Variants in DCX observed in about 807,000 individuals in gnomAD.
The protein encoded by DCX is neuronal migration protein doublecortin.
In DCX, 4 loss-of-function variants were observed where a neutral mutation model predicts 20.9. The observed-to-expected ratio is 0.19, with a 90% CI of 0.09 to 0.44. DCX has a LOEUF of 0.44. Ranked by LOEUF, DCX falls within the 20% of genes least tolerant of loss-of-function variation. The pLI, the probability that DCX is intolerant of heterozygous loss-of-function variation, is 0.99. For synonymous variants in DCX, 103 were observed against 111.4 expected, an observed-to-expected ratio of 0.92 and a Z score of 0.47; for missense variants, 133 against 296.9, an observed-to-expected ratio of 0.45 and a Z score of 4.06.
At chrX:111,342,978 T>C (rs981963844) in intron 3 of DCX, among the ~76,000 whole-genome samples, 5 of 110,469 alleles carry the variant, frequency 4.5e-5, no homozygotes, top group Admixed American at 1.9e-4. Flanking sequence ...AGATATCAAA[T>C]TGACAACCTA....
intron 6 of DCX, 43 bp downstream of exon 6, chrX:111,312,596 G>C: frequency 4.3e-6 from 5 of 1,168,711 alleles, no homozygotes; most frequent in Non-Finnish European, 5.8e-6. Context: ...AGCCATTCAG[G>C]AAACTGAGTG....
rs2095027980 is a variant in DCX, at chrX:111,299,084, G to A, written c.*2603C>T. 1 of 110,472 alleles carries A rather than the reference G, an allele frequency of 9.1e-6. No individual in the cohort carries two copies. Among genetic ancestry groups the A allele is most frequent in the African/African-American group, 3.3e-5 (1 of 30,236 alleles). The allele number at this position is 110,472 out of a possible 1,213,427, so 9.1% of individuals were successfully genotyped here. A position where few individuals can be genotyped will look rare whatever the true frequency, so the allele number is the denominator to read the frequency against. On this transcript the variant is annotated 3_prime_UTR_variant, in exon 7 of 7. Transcript: ENST00000636035. ...GGAACTTGAGTGCTAAAATTGGATTGGGTAAAATTGGAAGTGAATGACAGG... is the reference window on the plus strand; with the variant it reads ...GGAACTTGAGTGCTAAAATTGGATTAGGTAAAATTGGAAGTGAATGACAGG...
chrX:111,404,273 A>G (rs1199864466), intron 2 of DCX, among the ~76,000 whole-genome samples: 2 of 110,827 alleles, frequency 1.8e-5, no homozygotes, highest in African/African-American at 6.6e-5. Flanking sequence ...AAAAAAAGAG[A>G]AAGTATCAAG....
chrX:111,369,744 T>A (rs1924923221), intron 3 of DCX, among the ~76,000 whole-genome samples: 1 of 111,782 alleles, frequency 8.9e-6, no homozygotes, highest in African/African-American at 3.3e-5. Flanking sequence ...TTTTAATTGA[T>A]CTTGCTGCCA....
chrX:111,375,077 G>T (rs752525581), intron 3 of DCX, among the ~76,000 whole-genome samples: 2 of 103,424 alleles, frequency 1.9e-5, no homozygotes, highest in Admixed American at 1.1e-4. Flanking sequence ...ATGGAGAACA[G>T]ATTAGTGATT....
At chrX:111,410,483 G>T in intron 1 of DCX, 63 bp from the exon 2 acceptor site, 1 of 1,162,798 alleles carries the variant, frequency 8.6e-7, no homozygotes, top group Non-Finnish European at 1.2e-6. Flanking sequence ...CAAGGAGAAG[G>T]AAAAAAGAAG....
rs2095015714 is a variant in DCX at position 111,294,537 on chromosome X, T to A, written c.*7150A>T. 9.0e-6 allele frequency: 1 copy of A among 111,546 alleles called. No individual in the cohort carries two copies. The highest frequency in any genetic ancestry group is 1.9e-5 in the Non-Finnish European group (1 of 53,156). The allele number at this position is 111,546 out of a possible 1,213,427, so 9.2% of individuals were successfully genotyped here. A position where few individuals can be genotyped will look rare whatever the true frequency, so the allele number is the denominator to read the frequency against. On this transcript the variant is annotated 3_prime_UTR_variant, in exon 7 of 7. Transcript: ENST00000636035. ...GTTGAGTCTTTGATCACAATGCTGT[T>A]CCTTAAGAAATGATCAATAACTGCT... is the stretch of plus-strand genomic sequence containing the variant.
At position 111,411,025 on chromosome X, in the gene DCX, G is replaced by C. The variant is rs182512394; in HGVS notation, c.-22-605C>G. 514 of 1,062,822 alleles carry C rather than the reference G, an allele frequency of 4.8e-4. 2 individuals carry two copies. The African/African-American group carries it at 8.4e-3, about 17-fold the overall frequency. 87.6% of individuals were successfully genotyped at this position (1,062,822 alleles called of 1,213,427 possible). On this transcript the variant is annotated intron_variant, in intron 1 of 6. Coordinates refer to ENST00000636035, the MANE Select transcript of DCX (RefSeq NM_001195553.2). Reference sequence around the variant, plus strand: ...CTAATGTGTGCATCCCCTCCCCCCAGAATAAACTAAGATTCTCCTTTAAAG... The same window carrying C: ...CTAATGTGTGCATCCCCTCCCCCCACAATAAACTAAGATTCTCCTTTAAAG...
intron 3 of DCX, among the ~76,000 whole-genome samples, chrX:111,336,901 A>G (rs1188063480): frequency 9.0e-6 from 1 of 111,252 alleles, no homozygotes; most frequent in Non-Finnish European, 1.9e-5. Context: ...AACCAAGTAT[A>G]TGGTGGAGAA....
At position 111,371,769 on chromosome X, in the gene DCX, A is replaced by C. The variant is rs188935938; in HGVS notation, c.705+29221T>G. ...CATAGCTAATTATTGGAAGAGCCAG[A>C]ATATAACCTAAAGTGGTTTGATTCT... is the stretch of plus-strand genomic sequence containing the variant. On this transcript the variant is annotated intron_variant, in intron 3 of 6. Transcript: ENST00000636035. Among the ~76,000 whole-genome samples, 115 of 111,133 alleles carry C rather than the reference A, an allele frequency of 1.0e-3. 1 individual carries two copies. The highest frequency in any genetic ancestry group is 3.7e-3 in the African/African-American group (113 of 30,589).
intron 3 of DCX, 80 bp downstream of exon 3, chrX:111,400,910 C>T (rs1927720160): frequency 3.2e-6 from 3 of 924,721 alleles, no homozygotes; most frequent in South Asian, 4.0e-5. Flanking sequence ...AGTCCGTCAA[C>T]AAGAAATGAT....
chrX:111,315,244 C>T (rs1222244685), intron 5 of DCX, among the ~76,000 whole-genome samples: 1 of 98,742 alleles, frequency 1.0e-5, no homozygotes, highest in Non-Finnish European at 2.0e-5. Context: ...AAAAAACAAA[C>T]AACCCCATCA....
rs1241184315 is a variant in DCX, at chrX:111,298,377, G to A, written c.*3310C>T. The A allele has an allele frequency of 8.9e-6, 1 of 111,994 alleles. No individual in the cohort carries two copies. The highest frequency in any genetic ancestry group is 1.9e-5 in the Non-Finnish European group (1 of 53,205). The allele number at this position is 111,994 out of a possible 1,213,427, so 9.2% of individuals were successfully genotyped here. On this transcript the variant is annotated 3_prime_UTR_variant, in exon 7 of 7. Transcript: ENST00000636035. The stretch of plus-strand genomic sequence containing the variant: ...GGACATCTGCAACCCATGTGGATGG[G>A]AACCAGGTGAATGCAGGGAAAAGGG...
chrX:111,398,030 A>T (rs193245923), intron 3 of DCX, among the ~76,000 whole-genome samples: 2 of 110,602 alleles, frequency 1.8e-5, no homozygotes, highest in East Asian at 5.8e-4. Flanking sequence ...TTGCCCACAG[A>T]ATTCTCTTTG....
chrX:111,299,138 A>C lies in DCX; in HGVS notation c.*2549T>G, dbSNP rs762504911. On this transcript the variant is annotated 3_prime_UTR_variant, in exon 7 of 7. Coordinates refer to ENST00000636035, the MANE Select transcript of DCX (RefSeq NM_001195553.2). ...GGAGGAGCTCAGTTACAGACACACAAAAAAAATTGCCTTGAAAGTGGGCCA... is the reference window on the plus strand; with the variant it reads ...GGAGGAGCTCAGTTACAGACACACACAAAAAATTGCCTTGAAAGTGGGCCA... 17 of 111,331 alleles carry C rather than the reference A, an allele frequency of 1.5e-4. No individual in the cohort carries two copies. The highest frequency in any genetic ancestry group is 8.5e-4 in the East Asian group (3 of 3,542). 9.2% of individuals were successfully genotyped at this position (111,331 alleles called of 1,213,427 possible). A position where few individuals can be genotyped will look rare whatever the true frequency, so the allele number is the denominator to read the frequency against.
chrX:111,348,193 A>G (rs1000840680), intron 3 of DCX, among the ~76,000 whole-genome samples: 9 of 112,123 alleles, frequency 8.0e-5, no homozygotes, highest in African/African-American at 2.9e-4. Context: ...ATAGGTACCT[A>G]AGGTATACTG....
intron 2 of DCX, among the ~76,000 whole-genome samples, chrX:111,404,018 C>G (rs111387584): frequency 9.7e-6 from 1 of 102,982 alleles, no homozygotes; most frequent in Non-Finnish European, 2.0e-5. Context: ...TGCACTCTAC[C>G]CTGGGTGACG....
intron 3 of DCX, among the ~76,000 whole-genome samples, chrX:111,382,994 C>T (rs754352609): frequency 6.3e-5 from 7 of 110,890 alleles, no homozygotes; most frequent in African/African-American, 1.3e-4. Context: ...AGAGTGCATC[C>T]GATTAAATAA....
intron 3 of DCX, among the ~76,000 whole-genome samples, chrX:111,343,211 A>G (rs1922457630): frequency 1.8e-5 from 2 of 109,301 alleles, no homozygotes; most frequent in African/African-American, 6.7e-5. Flanking sequence ...GAAGAACAAA[A>G]TAGACACAAT....
Sources: allele counts gnomAD v4.1 joint callset (sites outside exome capture counted in the v4.1 genomes callset), GRCh38; gene constraint gnomAD v4.1.1; transcripts MANE v1.5; gene names NCBI Gene and HGNC (gene_info 2026-07-23, HGNC 2026-07-21).